Variants in CHI3L2 observed in about 807,000 individuals in gnomAD.
CHI3L2 encodes the protein chitinase 3 like 2.
A neutral mutation model predicts 47.3 loss-of-function variants in CHI3L2; 47 were observed. The ratio of observed to expected loss-of-function variants is 0.99; its 90% CI spans 0.79 to 1.27. The LOEUF is 1.27. Among genes scored for constraint, CHI3L2 ranks in the 50% most tolerant of loss-of-function variants. The pLI is 0.00. For missense variants in CHI3L2, 497 were observed against 462.1 expected (o/e 1.08, Z -0.69); for synonymous variants, 198 against 169.9 (o/e 1.17, Z -1.28).
intron 7 of CHI3L2, among the ~76,000 whole-genome samples, chr1:111,238,423 T>C (rs540870160): frequency 3.9e-5 from 6 of 152,360 alleles, no homozygotes; most frequent in Admixed American, 3.9e-4. Context: ...GTAGACAAGT[T>C]CCACAGGGAT....
At chr1:111,230,072 C>T (rs1659667920) in intron 2 of CHI3L2, among the ~76,000 whole-genome samples, 191 bp downstream of exon 2, 2 of 151,776 alleles carry the variant, frequency 1.3e-5, no homozygotes, top group South Asian at 4.2e-4. Context: ...CTTTTTGAGC[C>T]ACTCTCTCTC....
chr1:111,232,521 T>C (rs893286556), intron 4 of CHI3L2, among the ~76,000 whole-genome samples: 2 of 152,222 alleles, frequency 1.3e-5, no homozygotes, highest in Admixed American at 1.3e-4. Flanking sequence ...ATGCCGCAGT[T>C]TTCTTTAACT....
At chr1:111,239,244 C>T (rs1156741192) in intron 8 of CHI3L2, 1 of 258,308 alleles carries the variant, frequency 3.9e-6, no homozygotes, top group African/African-American at 2.3e-5. Context: ...AAGTGGATGG[C>T]AATGCCATTT....
Position 111,230,959 on chromosome 1 carries a change from G to T in CHI3L2, c.272+16G>T, listed in dbSNP as rs1230383210. 3.1e-6 allele frequency: 5 copies of T among 1,604,590 alleles called. No homozygotes were observed. Reference sequence around the variant, plus strand: ...TCAAAACCAAGTGAGTAAGATGGGGGTGGAAGCATCCTGCATGGATTTTAG... The same window carrying T: ...TCAAAACCAAGTGAGTAAGATGGGGTTGGAAGCATCCTGCATGGATTTTAG... On this transcript the variant is annotated intron_variant, in intron 3 of 10. Coordinates refer to ENST00000369748, the MANE Select transcript of CHI3L2 (RefSeq NM_004000.3).
chr1:111,239,643 G>A (rs1659990684), intron 8 of CHI3L2, among the ~76,000 whole-genome samples: 1 of 152,220 alleles, frequency 6.6e-6, no homozygotes. Flanking sequence ...AAAGGAGGGA[G>A]TGGTCAAATG....
Position 111,230,920 on chromosome 1 carries a change from G to C in CHI3L2, c.249G>C (p.Gln83His). 1 of 1,614,096 alleles carries C rather than the reference G, an allele frequency of 6.2e-7. No individual in the cohort carries two copies. Among genetic ancestry groups the C allele is most frequent in the African/African-American group, 1.3e-5 (1 of 75,020 alleles). Residue 83 changes from glutamine to histidine, a missense_variant, in exon 3 of 11, where the codon CAG (glutamine) becomes CAC (histidine). By Grantham distance (24) the Gln-to-His change is conservative. Coordinates refer to ENST00000369748, the MANE Select transcript of CHI3L2 (RefSeq NM_004000.3). ...ACAAGAGTGAAGTGATGCTCTACCA[G>C]ACCATCAACAGTCTCAAAACCAAGT... ...IKDKSEVMLY[Q>H]TINSLKTKNP...
intron 4 of CHI3L2, 121 bp from the exon 5 acceptor site, chr1:111,234,786 T>C (rs1370581521): frequency 9.9e-6 from 9 of 907,142 alleles, no homozygotes; most frequent in African/African-American, 8.3e-5. Context: ...AGCATTAGAA[T>C]AGACAAATTG....
chr1:111,230,161 A>G lies in CHI3L2; in HGVS notation c.70+280A>G, dbSNP rs184470630. On this transcript the variant is annotated intron_variant, in intron 2 of 10. Transcript: ENST00000369748. Reference sequence around the variant, plus strand: ...CAATGTTTGTATTATCTGTTTCTCTACTGATCTGTGTCATCCATCCATACA... The same window carrying G: ...CAATGTTTGTATTATCTGTTTCTCTGCTGATCTGTGTCATCCATCCATACA... 3.2e-4 allele frequency among the ~76,000 whole-genome samples: 49 copies of G among 152,060 alleles called. No homozygotes were observed. The East Asian group carries it at 8.1e-3, about 25-fold the overall frequency.
At chr1:111,229,457 C>A (rs868242428) in intron 1 of CHI3L2, among the ~76,000 whole-genome samples, 1 of 151,458 alleles carries the variant, frequency 6.6e-6, no homozygotes, top group East Asian at 1.9e-4. Context: ...CCGAGGCGGG[C>A]GGATCACGAG....
At chr1:111,230,497 T>C (rs905168252) in intron 2 of CHI3L2, among the ~76,000 whole-genome samples, 1 of 152,098 alleles carries the variant, frequency 6.6e-6, no homozygotes, top group African/African-American at 2.4e-5. Context: ...CAAGAAGTCC[T>C]CCTGCCTCAG....
intron 10 of CHI3L2, 102 bp from the exon 11 acceptor site, chr1:111,243,115 T>C (rs1571234652): frequency 2.2e-6 from 1 of 454,796 alleles, no homozygotes; most frequent in East Asian, 6.9e-5. Flanking sequence ...ATTAGATAAT[T>C]GGGTAGCAGC....
rs746141602 is a variant in CHI3L2, at chr1:111,229,869, C to T, written c.58C>T (p.Leu20Phe). The T allele has an allele frequency of 9.3e-6, 15 of 1,613,822 alleles. No homozygotes were observed. In the East Asian group the frequency reaches 3.1e-4, roughly 34 times the overall value. The change falls in exon 2 of 11, where the codon CTT (leucine) becomes TTT (phenylalanine). Residue 20 changes from leucine (L) to phenylalanine (F), a missense_variant. By Grantham distance (22) the Leu-to-Phe change is conservative. Coordinates refer to ENST00000369748, the MANE Select transcript of CHI3L2 (RefSeq NM_004000.3). Reference sequence around the variant, plus strand: ...TATTGCAGGTGTAGTGGTCTTGCTGCTTCTCCAGGGAGGTAAGTAGTCAAT... The same window carrying T: ...TATTGCAGGTGTAGTGGTCTTGCTGTTTCTCCAGGGAGGTAAGTAGTCAAT... The part of the protein sequence containing the change: ...SLWAGVVVLL[L>F]LQGGSAYKLV...
chr1:111,232,902 G>C (rs1659767131), intron 4 of CHI3L2, among the ~76,000 whole-genome samples: 1 of 152,148 alleles, frequency 6.6e-6, no homozygotes, highest in Non-Finnish European at 1.5e-5. Flanking sequence ...GTAGTTTTCT[G>C]ATATCAGGCC....
At chr1:111,232,878 A>G (rs1659766447) in intron 4 of CHI3L2, among the ~76,000 whole-genome samples, 1 of 152,236 alleles carries the variant, frequency 6.6e-6, no homozygotes, top group Non-Finnish European at 1.5e-5. Flanking sequence ...AAAAGCTAGA[A>G]AACTATTTCC....
chr1:111,232,963 A>T (rs1659769493), intron 4 of CHI3L2, among the ~76,000 whole-genome samples: 1 of 152,254 alleles, frequency 6.6e-6, no homozygotes. Flanking sequence ...GCAGGAATCA[A>T]AATCTCAATT....
intron 5 of CHI3L2, 125 bp downstream of exon 5, chr1:111,235,182 T>A (rs1659842981): frequency 8.7e-6 from 8 of 918,926 alleles, no homozygotes; most frequent in Non-Finnish European, 1.3e-5. Flanking sequence ...AGCCCCAGCC[T>A]TTCTGAAGCT....
chr1:111,238,450 AG>A (rs920578679), intron 7 of CHI3L2, among the ~76,000 whole-genome samples: 125 of 152,358 alleles, frequency 8.2e-4, no homozygotes, highest in African/African-American at 3.0e-3. Context: ...TTGACTCAAA[AG>A]GGGAAGGAAG....
intron 2 of CHI3L2, 84 bp downstream of exon 2, chr1:111,229,965 A>G (rs2101544480): frequency 6.8e-7 from 1 of 1,471,208 alleles, no homozygotes; most frequent in Non-Finnish European, 9.5e-7. Flanking sequence ...TTTCTGCTAC[A>G]TGCTTTTTCT....
intron 2 of CHI3L2, 62 bp from the exon 3 acceptor site, chr1:111,230,680 G>A: frequency 1.4e-6 from 2 of 1,385,848 alleles, no homozygotes; most frequent in Non-Finnish European, 2.0e-6. Context: ...AGAAAATTGT[G>A]ACTTTCTGGA....
Sources: gnomAD v4.1 joint callset for allele counts (sites outside exome capture counted in the v4.1 genomes callset) on GRCh38, gnomAD v4.1.1 for gene constraint, MANE v1.5 for transcripts, NCBI Gene and HGNC (gene_info 2026-07-23, HGNC 2026-07-21) for gene names.